NID1: variants seen among roughly 807,000 people sequenced by gnomAD.
NID1 encodes the protein nidogen 1, also known as nidogen-1.
NID1 carries 76 observed loss-of-function variants against 130.6 expected under a neutral mutation model. The observed-to-expected ratio is 0.58, with a 90% CI of 0.48 to 0.70. The LOEUF (loss-of-function observed/expected upper bound fraction) is 0.70, where lower values mean the gene tolerates loss of function less well. Among genes scored for constraint, NID1 ranks in the 30% least tolerant of loss-of-function variants. The pLI, the probability that NID1 is intolerant of heterozygous loss-of-function variation, is 0.00. For missense variants in NID1, 1,517 were observed against 1,664.8 expected, an observed-to-expected ratio of 0.91 and a Z score of 1.54; for synonymous variants, 665 against 675.1, an observed-to-expected ratio of 0.98 and a Z score of 0.23.
chr1:236,064,444 C>G (rs1002458429), intron 1 of NID1: 1 of 201,082 alleles, frequency 5.0e-6, no homozygotes, highest in Non-Finnish European at 1.0e-5. Flanking sequence ...CGATCCAGCT[C>G]CGGCTCTTGC....
intron 4 of NID1, among the ~76,000 whole-genome samples, chr1:236,039,217 T>C (rs1659373005): frequency 6.8e-6 from 1 of 147,258 alleles, no homozygotes. Flanking sequence ...ATATACTACA[T>C]ATAATTATAT....
chr1:235,995,650 C>T (rs2102803399), intron 12 of NID1, among the ~76,000 whole-genome samples: 1 of 152,340 alleles, frequency 6.6e-6, no homozygotes, highest in East Asian at 1.9e-4. Flanking sequence ...CTTTTTGTGA[C>T]TGTCCTTCTC....
intron 4 of NID1, 122 bp from the exon 5 acceptor site, chr1:236,038,375 A>C: frequency 1.0e-6 from 1 of 984,224 alleles, no homozygotes; most frequent in Non-Finnish European, 1.5e-6. Flanking sequence ...AATTCAAGGG[A>C]CCAGGCTCAC....
At chr1:235,999,815 A>G (rs1658027175) in intron 12 of NID1, among the ~76,000 whole-genome samples, 2 of 152,220 alleles carry the variant, frequency 1.3e-5, no homozygotes, top group Admixed American at 1.3e-4. Flanking sequence ...CCCTCCTCTC[A>G]GCCGAGGGCA....
intron 1 of NID1, among the ~76,000 whole-genome samples, chr1:236,056,544 A>G (rs570690525): frequency 6.6e-6 from 1 of 152,330 alleles, no homozygotes; most frequent in Admixed American, 6.5e-5. Context: ...TTGGTTAACT[A>G]TAGTCACTCT....
At chr1:236,064,755 C>A in intron 1 of NID1, 100 bp downstream of exon 1, 2 of 1,151,138 alleles carry the variant, frequency 1.7e-6, no homozygotes, top group Non-Finnish European at 2.4e-6. Context: ...CCAGCGGGTC[C>A]GGGTCCCCGC....
intron 9 of NID1, among the ~76,000 whole-genome samples, chr1:236,020,062 A>G (rs904548170): frequency 6.9e-6 from 1 of 144,124 alleles, no homozygotes; most frequent in African/African-American, 2.6e-5. Flanking sequence ...AAAAAAACAA[A>G]AACAAACTTC....
At chr1:236,062,313 A>G (rs1660060258) in intron 1 of NID1, among the ~76,000 whole-genome samples, 1 of 152,132 alleles carries the variant, frequency 6.6e-6, no homozygotes, top group African/African-American at 2.4e-5. Flanking sequence ...TAATCTTTTA[A>G]AGTTAAATCG....
In NID1 at chr1:236,013,440, C is replaced by G; in HGVS notation, c.2375G>C (p.Gly792Ala). The G allele has an allele frequency of 6.2e-7, 1 of 1,614,016 alleles. No individual in the cohort carries two copies. Among genetic ancestry groups the G allele is most frequent in the Non-Finnish European group, 8.5e-7 (1 of 1,180,006 alleles). Residue 792 changes from glycine (G) to alanine (A), a missense_variant, in exon 11 of 20, where the codon GGC (glycine) becomes GCC (alanine). This residue lies in a region of NID1 where 1,329 missense variants were observed against 1,429.2 expected (regional missense o/e 0.93). Transcript: ENST00000264187. ...GCAGGCTTGGCCATCCCCAGAAAAG[C>G]CTGGCAAGCAGGAACAGGTGTAGGA... ...GSSYTCSCLP[G>A]FSGDGQACQD...
At chr1:236,038,660 A>T (rs1401609528) in intron 4 of NID1, among the ~76,000 whole-genome samples, 1 of 142,850 alleles carries the variant, frequency 7.0e-6, no homozygotes, top group Non-Finnish European at 1.5e-5. Flanking sequence ...ATATTAAAAC[A>T]TATATAATAT....
At chr1:236,003,102 C>T (rs1295802583) in intron 12 of NID1, among the ~76,000 whole-genome samples, 4 of 149,660 alleles carry the variant, frequency 2.7e-5, no homozygotes, top group Admixed American at 6.7e-5. Context: ...TCCTAGTGAA[C>T]GACTGGTAGT....
At chr1:236,064,578 G>C in intron 1 of NID1, 1 of 429,930 alleles carries the variant, frequency 2.3e-6, no homozygotes, top group South Asian at 2.4e-5. Flanking sequence ...CACAGCCGCC[G>C]GGGAGGAAGC....
chr1:235,993,892 C>T lies in NID1; in HGVS notation c.2528-20G>A, dbSNP rs368912037. 6.3e-7 allele frequency: 1 copy of T among 1,596,766 alleles called. No individual in the cohort carries two copies. The highest frequency in any genetic ancestry group is 8.6e-7 in the Non-Finnish European group (1 of 1,166,266). The stretch of plus-strand genomic sequence containing the variant: ...CCACCTCTATCAGAGAAACAGGCAA[C>T]AAGAAAGCTGTCAGGTGCGTCATCC... On this transcript the variant is annotated intron_variant, in intron 12 of 19. Transcript: ENST00000264187.
intron 6 of NID1, among the ~76,000 whole-genome samples, chr1:236,031,149 C>T (rs181943220): frequency 4.2e-4 from 63 of 151,744 alleles, no homozygotes; most frequent in African/African-American, 1.5e-3. Flanking sequence ...TACAGAGTCT[C>T]ACTCTGTTGC....
Position 235,979,741 on chromosome 1 carries a change from C to T in NID1, c.3509+81G>A. The T allele has an allele frequency of 6.5e-7, 1 of 1,545,604 alleles. No individual in the cohort carries two copies. The stretch of plus-strand genomic sequence containing the variant: ...AGGCTCAAAAGTCAAGCCAAGAGGC[C>T]AGATGGGAAGGGCCTGGCCTCCCAG... On this transcript the variant is annotated intron_variant, in intron 18 of 19. Transcript: ENST00000264187. The surrounding 1 kb of genome is among the most constrained non-coding windows in gnomAD (Gnocchi z 4.6).
intron 3 of NID1, 25 bp from the exon 4 acceptor site, chr1:236,042,317 G>C: frequency 6.3e-7 from 1 of 1,587,618 alleles, no homozygotes; most frequent in Non-Finnish European, 8.5e-7. Context: ...AGGCTTCTTA[G>C]AAACAGGCCA....
At position 236,017,184 on chromosome 1, in the gene NID1, C is replaced by A. The variant is rs780028685; in HGVS notation, c.2218G>T (p.Glu740Ter). 6.2e-6 allele frequency: 10 copies of A among 1,614,130 alleles called. No individual in the cohort carries two copies. In the South Asian group the frequency reaches 1.1e-4, roughly 18 times the overall value. ...HPGTFRCECV[E>*]GYQFSDEGTC... Reference sequence around the variant, plus strand: ...CCCTCATCTGAAAACTGGTAGCCCTCCACACACTCGCAGCGGAAGGTTCCT... The same window carrying A: ...CCCTCATCTGAAAACTGGTAGCCCTACACACACTCGCAGCGGAAGGTTCCT... Residue 740 changes from glutamate (E) to a stop codon, truncating the protein, a stop_gained, in exon 10 of 20, where the codon GAG (glutamate) becomes TAG (stop). Coordinates refer to ENST00000264187, the MANE Select transcript of NID1 (RefSeq NM_002508.3). LOFTEE classifies it high-confidence loss of function.
chr1:236,009,172 G>A (rs940789284), intron 12 of NID1, among the ~76,000 whole-genome samples: 2 of 152,180 alleles, frequency 1.3e-5, no homozygotes, highest in Non-Finnish European at 2.9e-5. Flanking sequence ...CAGGTGACTA[G>A]GTCATGAAAG....
intron 14 of NID1, 136 bp from the exon 15 acceptor site, chr1:235,985,641 T>C (rs1172737916): frequency 4.9e-6 from 5 of 1,014,736 alleles, no homozygotes; most frequent in Admixed American, 5.5e-5. Context: ...AAATTTTTAT[T>C]ATTGAGTTGT....
Sources: gnomAD v4.1 joint callset for allele counts (sites outside exome capture counted in the v4.1 genomes callset) on GRCh38, gnomAD v4.1.1 for gene constraint, gnomAD v4.1.1 regional missense constraint, Gnocchi (gnomAD v3.1) non-coding constraint, MANE v1.5 for transcripts, NCBI Gene and HGNC (gene_info 2026-07-23, HGNC 2026-07-21) for gene names.